Variants in CCDC91 observed in about 807,000 individuals in gnomAD.
The protein encoded by CCDC91 is coiled-coil domain containing 91, also known as coiled-coil domain-containing protein 91.
CCDC91 carries 48 observed loss-of-function variants against 63.2 expected under a neutral mutation model. The ratio of observed to expected loss-of-function variants is 0.76; its 90% CI spans 0.60 to 0.97. The LOEUF is 0.97. Among genes scored for constraint, CCDC91 ranks in the 50% least tolerant of loss-of-function variants. The pLI, the probability that CCDC91 is intolerant of heterozygous loss-of-function variation, is 0.00. For synonymous variants in CCDC91, 167 were observed against 165.8 expected, an observed-to-expected ratio of 1.01 and a Z score of -0.06; for missense variants, 500 against 494.6, an observed-to-expected ratio of 1.01 and a Z score of -0.10.
intron 7 of CCDC91, among the ~76,000 whole-genome samples, chr12:28,370,570 C>T (rs1007116686): frequency 6.6e-6 from 1 of 152,212 alleles, no homozygotes; most frequent in African/African-American, 2.4e-5. Flanking sequence ...ATGTTTCAAC[C>T]TTCATCTTTT....
At position 28,391,296 on chromosome 12, in the gene CCDC91, G is replaced by C. The variant is rs1298030142; in HGVS notation, c.655-8G>C. ...TGTGATCCAAATGACTTTTTTGCTT[G>C]TTTTCAGGCACTACTGCAGTCTTCA... is the stretch of plus-strand genomic sequence containing the variant. On this transcript the variant is annotated splice_region_variant and splice_polypyrimidine_tract_variant and intron_variant, in intron 7 of 12. Coordinates refer to ENST00000536442, the MANE Select transcript of CCDC91 (RefSeq NM_018318.5). 6.3e-7 allele frequency: 1 copy of C among 1,582,598 alleles called. No individual in the cohort carries two copies. The highest frequency in any genetic ancestry group is 1.1e-5 in the South Asian group (1 of 88,382).
intron 6 of CCDC91, among the ~76,000 whole-genome samples, chr12:28,339,092 C>G (rs1419266802): frequency 6.6e-6 from 1 of 152,130 alleles, no homozygotes; most frequent in South Asian, 2.1e-4. Flanking sequence ...CCACCTGCCT[C>G]GGCTTCCCAA....
chr12:28,362,056 A>C (rs1943923415), intron 6 of CCDC91, among the ~76,000 whole-genome samples: 1 of 151,992 alleles, frequency 6.6e-6, no homozygotes, highest in Non-Finnish European at 1.5e-5. Flanking sequence ...ATCATATTCC[A>C]GTGGTTCTCA....
intron 7 of CCDC91, among the ~76,000 whole-genome samples, chr12:28,386,221 T>C (rs1311183051): frequency 6.6e-6 from 1 of 152,198 alleles, no homozygotes; most frequent in African/African-American, 2.4e-5. Flanking sequence ...TATATATTTA[T>C]GTAATATCAG....
intron 8 of CCDC91, among the ~76,000 whole-genome samples, chr12:28,437,953 G>A (rs1386904037): frequency 1.3e-5 from 2 of 151,944 alleles, no homozygotes; most frequent in African/African-American, 4.8e-5. Flanking sequence ...TTATGAAAGT[G>A]GAGTTTATAA....
intron 1 of CCDC91, among the ~76,000 whole-genome samples, chr12:28,234,543 G>A (rs1944808746): frequency 6.6e-6 from 1 of 152,128 alleles, no homozygotes; most frequent in African/African-American, 2.4e-5. Context: ...AGATAAAAAT[G>A]TTTGGAAACA....
intron 3 of CCDC91, among the ~76,000 whole-genome samples, chr12:28,292,380 T>C (rs1247005148): frequency 6.6e-6 from 1 of 152,206 alleles, no homozygotes; most frequent in Non-Finnish European, 1.5e-5. Context: ...GAACTTTATT[T>C]AAACTACATA....
chr12:28,321,652 A>T (rs1940516289), intron 6 of CCDC91, among the ~76,000 whole-genome samples: 5 of 151,834 alleles, frequency 3.3e-5, no homozygotes, highest in Admixed American at 2.6e-4. Flanking sequence ...CCATGTGGGG[A>T]TACAGTGAGA....
intron 3 of CCDC91, among the ~76,000 whole-genome samples, chr12:28,279,378 T>C (rs2136537158): frequency 6.6e-6 from 1 of 152,238 alleles, no homozygotes; most frequent in South Asian, 2.1e-4. Context: ...CACGTATAAG[T>C]ATATAGACTT....
intron 1 of CCDC91, chr12:28,256,871 A>G (rs573525723): frequency 2.7e-5 from 6 of 219,190 alleles, no homozygotes; most frequent in African/African-American, 1.4e-4. Context: ...GTTGCCAGAC[A>G]ACTGAGGAAT....
chr12:28,442,101 A>G (rs1166135921), intron 8 of CCDC91, among the ~76,000 whole-genome samples: 3 of 152,124 alleles, frequency 2.0e-5, no homozygotes, highest in Non-Finnish European at 2.9e-5. Flanking sequence ...TTTACTATCT[A>G]TATGTTCAAA....
At chr12:28,490,518 G>C (rs188390491) in intron 12 of CCDC91, among the ~76,000 whole-genome samples, 120 of 151,810 alleles carry the variant, frequency 7.9e-4, no homozygotes, top group African/African-American at 2.8e-3. Context: ...AAAATATTTG[G>C]ATTTAGAAAA....
intron 8 of CCDC91, among the ~76,000 whole-genome samples, chr12:28,420,822 A>T (rs1268245695): frequency 1.4e-5 from 2 of 147,510 alleles, no homozygotes; most frequent in South Asian, 2.1e-4. Context: ...ATATTTCTTT[A>T]TTTTCAATAT....
intron 1 of CCDC91, among the ~76,000 whole-genome samples, chr12:28,240,330 T>C (rs2135946527): frequency 6.6e-6 from 1 of 152,302 alleles, no homozygotes; most frequent in African/African-American, 2.4e-5. Context: ...CTTGGTCTAG[T>C]TTTATTGATT....
At chr12:28,282,542 G>GC (rs1948674416) in intron 3 of CCDC91, among the ~76,000 whole-genome samples, 1 of 151,948 alleles carries the variant, frequency 6.6e-6, no homozygotes. Context: ...CTTTATCTTT[G>GC]CATTTGTGAA....
intron 12 of CCDC91, among the ~76,000 whole-genome samples, chr12:28,522,476 T>A (rs1940799751): frequency 6.6e-6 from 1 of 152,174 alleles, no homozygotes; most frequent in African/African-American, 2.4e-5. Flanking sequence ...TCTTCTTTAT[T>A]AGTGTTGATA....
intron 1 of CCDC91, among the ~76,000 whole-genome samples, chr12:28,243,264 A>G (rs1478138848): frequency 6.6e-6 from 1 of 152,160 alleles, no homozygotes; most frequent in East Asian, 1.9e-4. Flanking sequence ...CCCATAGGGA[A>G]GTGGTTACTG....
intron 12 of CCDC91, among the ~76,000 whole-genome samples, chr12:28,530,776 TAAAG>T (rs1301342833): frequency 6.6e-6 from 1 of 152,140 alleles, no homozygotes; most frequent in Non-Finnish European, 1.5e-5. Context: ...AACTGCTAAA[TAAAG>T]CAGTTTTTCA....
chr12:28,497,045 CAT>C (rs1952338456), intron 12 of CCDC91, among the ~76,000 whole-genome samples: 1 of 149,840 alleles, frequency 6.7e-6, no homozygotes, highest in Non-Finnish European at 1.5e-5. Flanking sequence ...AGGGATATTT[CAT>C]ATATGTTAGT....
Sources: allele counts gnomAD v4.1 joint callset (sites outside exome capture counted in the v4.1 genomes callset), GRCh38; gene constraint gnomAD v4.1.1; transcripts MANE v1.5; gene names NCBI Gene and HGNC (gene_info 2026-07-23, HGNC 2026-07-21).